TMEM132D: variants seen among roughly 807,000 people sequenced by gnomAD.
TMEM132D encodes transmembrane protein 132D.
In TMEM132D, 21 loss-of-function variants were observed where a neutral mutation model predicts 62.3. The observed-to-expected ratio is 0.34, with a 90% CI of 0.24 to 0.49. The LOEUF (loss-of-function observed/expected upper bound fraction) is 0.49. Ranked by LOEUF, TMEM132D falls within the 20% of genes least tolerant of loss-of-function variation. The pLI is 0.99. For synonymous variants in TMEM132D, 621 were observed against 575.6 expected (o/e 1.08, Z -1.13); for missense variants, 1,346 against 1,402.8 (o/e 0.96, Z 0.65).
intron 3 of TMEM132D, among the ~76,000 whole-genome samples, chr12:129,438,993 TC>T (rs1167600633): frequency 3.3e-5 from 5 of 152,212 alleles, no homozygotes; most frequent in Non-Finnish European, 7.3e-5. Context: ...ATCTCTGCTG[TC>T]CGTGATCTTC....
At chr12:129,324,017 T>A (rs1470908654) in intron 4 of TMEM132D, among the ~76,000 whole-genome samples, 1 of 152,236 alleles carries the variant, frequency 6.6e-6, no homozygotes, top group East Asian at 1.9e-4. Context: ...TGTGATTTTT[T>A]GGCTGAGGAT....
chr12:129,586,623 A>G (rs1878037827), intron 2 of TMEM132D, among the ~76,000 whole-genome samples: 1 of 152,178 alleles, frequency 6.6e-6, no homozygotes, highest in Non-Finnish European at 1.5e-5. Context: ...TACACCGGGC[A>G]CTAATCCCAT....
intron 1 of TMEM132D, among the ~76,000 whole-genome samples, chr12:129,775,293 G>A (rs1870882277): frequency 6.6e-6 from 1 of 152,120 alleles, no homozygotes; most frequent in South Asian, 2.1e-4. Context: ...TGTCAATGAG[G>A]ACACCGTGAA....
chr12:129,285,000 T>C (rs1378891877), intron 4 of TMEM132D, among the ~76,000 whole-genome samples: 1 of 152,206 alleles, frequency 6.6e-6, no homozygotes, highest in Non-Finnish European at 1.5e-5. Flanking sequence ...TTGCACAGCA[T>C]TGTGAATATA....
chr12:129,286,620 G>C (rs1001136426), intron 4 of TMEM132D, among the ~76,000 whole-genome samples: 1 of 152,194 alleles, frequency 6.6e-6, no homozygotes. Flanking sequence ...CGTAGGTTGG[G>C]AGCATGTGCT....
intron 4 of TMEM132D, among the ~76,000 whole-genome samples, chr12:129,280,981 T>A (rs1316066314): frequency 6.6e-6 from 1 of 152,136 alleles, no homozygotes; most frequent in African/African-American, 2.4e-5. Context: ...TTGAAATTTA[T>A]TTTCTTAAAA....
At chr12:129,328,093 C>T (rs1453148220) in intron 4 of TMEM132D, among the ~76,000 whole-genome samples, 2 of 152,224 alleles carry the variant, frequency 1.3e-5, no homozygotes, top group African/African-American at 4.8e-5. Flanking sequence ...CTGGGCCCTT[C>T]CTGGAGCAAT....
chr12:129,703,119 T>C (rs549576403), intron 1 of TMEM132D, among the ~76,000 whole-genome samples: 3 of 152,358 alleles, frequency 2.0e-5, no homozygotes, highest in South Asian at 4.1e-4. Flanking sequence ...CCATTCGTGC[T>C]AGAAACAGCC....
At chr12:129,868,346 C>T (rs979954331) in intron 1 of TMEM132D, among the ~76,000 whole-genome samples, 8 of 152,118 alleles carry the variant, frequency 5.3e-5, no homozygotes, top group South Asian at 4.1e-4. Flanking sequence ...ATACTTGAAA[C>T]GGGTACATTT....
chr12:129,122,527 TTCAATAGAGGA>T (rs1234577742), intron 5 of TMEM132D, among the ~76,000 whole-genome samples: 1 of 152,170 alleles, frequency 6.6e-6, no homozygotes, highest in African/African-American at 2.4e-5. Context: ...GTATATGGCA[TTCAATAGAGGA>T]TCAATAGATA....
intron 5 of TMEM132D, among the ~76,000 whole-genome samples, chr12:129,117,152 G>C (rs2135651188): frequency 6.6e-6 from 1 of 152,156 alleles, no homozygotes; most frequent in African/African-American, 2.4e-5. Context: ...TAAGAAGCCA[G>C]TCTGAAATGG....
chr12:129,357,157 G>A (rs151073217), intron 3 of TMEM132D, among the ~76,000 whole-genome samples: 8 of 150,788 alleles, frequency 5.3e-5, no homozygotes, highest in African/African-American at 2.0e-4. Flanking sequence ...TGAGGCAGGA[G>A]AATGGCATGG....
intron 1 of TMEM132D, among the ~76,000 whole-genome samples, chr12:129,811,093 A>G (rs992098841): frequency 2.0e-5 from 3 of 151,930 alleles, no homozygotes; most frequent in African/African-American, 7.3e-5. Context: ...TAAAAATACA[A>G]TATCAATGAA....
intron 3 of TMEM132D, among the ~76,000 whole-genome samples, chr12:129,429,459 C>T (rs192995149): frequency 4.7e-4 from 71 of 152,070 alleles, no homozygotes; most frequent in Non-Finnish European, 9.4e-4. Flanking sequence ...AAAGAAGAGG[C>T]CCCCCCAGGG....
chr12:129,859,034 G>C (rs1410643687), intron 1 of TMEM132D, among the ~76,000 whole-genome samples: 3 of 150,538 alleles, frequency 2.0e-5, no homozygotes, highest in Non-Finnish European at 4.4e-5. Context: ...GGAGTCCGGG[G>C]GAACGGGATG....
chr12:129,083,413 AC>A (rs1874515053), intron 6 of TMEM132D, among the ~76,000 whole-genome samples: 1 of 152,086 alleles, frequency 6.6e-6, no homozygotes, highest in Non-Finnish European at 1.5e-5. Flanking sequence ...CTGCAGTGAG[AC>A]TCAGCCAGGT....
intron 2 of TMEM132D, among the ~76,000 whole-genome samples, chr12:129,661,707 G>T (rs1010593834): frequency 6.6e-6 from 1 of 152,122 alleles, no homozygotes; most frequent in Non-Finnish European, 1.5e-5. Flanking sequence ...AAATACAAGC[G>T]CACTGTCATC....
intron 2 of TMEM132D, among the ~76,000 whole-genome samples, chr12:129,584,152 G>C (rs116326245): frequency 6.6e-6 from 1 of 151,860 alleles, no homozygotes; most frequent in African/African-American, 2.4e-5. Context: ...AGTTTTTGCT[G>C]AAGGAGTACA....
chr12:129,359,443 C>T (rs879764911), intron 3 of TMEM132D, among the ~76,000 whole-genome samples: 3 of 152,236 alleles, frequency 2.0e-5, no homozygotes, highest in East Asian at 1.9e-4. Context: ...TCACATTGAG[C>T]GTTGTGTCTT....
Sources: allele counts gnomAD v4.1 joint callset (sites outside exome capture counted in the v4.1 genomes callset), GRCh38; gene constraint gnomAD v4.1.1; transcripts MANE v1.5; gene names NCBI Gene and HGNC (gene_info 2026-07-23, HGNC 2026-07-21).